The following TBL1X variants were observed in gnomAD, a reference collection of about 807,000 sequenced individuals.
The protein encoded by TBL1X is transducin beta like 1 X-linked.
In TBL1X, 10 loss-of-function variants were observed where a neutral mutation model predicts 50.7. The ratio of observed to expected loss-of-function variants is 0.20; its 90% CI spans 0.12 to 0.33. The LOEUF is 0.33. TBL1X is among the 10% of genes least tolerant of loss of function. The pLI is 1.00. For synonymous variants in TBL1X, 190 were observed against 214.7 expected (o/e 0.88, Z 1.01); for missense variants, 340 against 504.4 (o/e 0.67, Z 3.12).
At chrX:9,555,834 T>G (rs1010699338) in intron 2 of TBL1X, among the ~76,000 whole-genome samples, 1 of 111,742 alleles carries the variant, frequency 8.9e-6, no homozygotes, top group Non-Finnish European at 1.9e-5. Context: ...GGCCCCTTTT[T>G]CATATCTATG....
At chrX:9,468,818 A>G (rs1281767852) in intron 1 of TBL1X, among the ~76,000 whole-genome samples, 1 of 110,516 alleles carries the variant, frequency 9.0e-6, no homozygotes, top group Non-Finnish European at 1.9e-5. Flanking sequence ...TAAAGGAGAT[A>G]GAGTTATTAT....
At chrX:9,692,439 G>T (rs1460254487) in intron 9 of TBL1X, among the ~76,000 whole-genome samples, 185 bp downstream of exon 9, 1 of 111,929 alleles carries the variant, frequency 8.9e-6, no homozygotes, top group Non-Finnish European at 1.9e-5. Flanking sequence ...ACGGAGTCTT[G>T]CTCTGTTGCC....
intron 1 of TBL1X, among the ~76,000 whole-genome samples, chrX:9,492,836 A>AGG (rs2081951209): frequency 1.1e-4 from 9 of 80,620 alleles, no homozygotes; most frequent in Admixed American, 7.5e-4. Flanking sequence ...TTGGGGCTAG[A>AGG]GGGTGTGTGT....
intron 5 of TBL1X, among the ~76,000 whole-genome samples, chrX:9,681,599 G>A (rs2083026250): frequency 8.9e-6 from 1 of 112,298 alleles, no homozygotes; most frequent in Non-Finnish European, 1.9e-5. Flanking sequence ...CTGCTTGCGG[G>A]AATGAATGAG....
chrX:9,630,837 A>G (rs1207474408), intron 2 of TBL1X, among the ~76,000 whole-genome samples: 5 of 112,159 alleles, frequency 4.5e-5, no homozygotes, highest in African/African-American at 1.3e-4. Flanking sequence ...TGGCCTCCCA[A>G]AGTGCCGGGA....
intron 7 of TBL1X, among the ~76,000 whole-genome samples, chrX:9,688,982 G>T: frequency 8.8e-6 from 1 of 113,398 alleles, no homozygotes; most frequent in Non-Finnish European, 1.9e-5. Flanking sequence ...CTGTGTCTGT[G>T]TGCAAGTGTG....
intron 2 of TBL1X, among the ~76,000 whole-genome samples, chrX:9,550,435 A>G (rs1296707018): frequency 1.8e-5 from 2 of 112,352 alleles, no homozygotes; most frequent in African/African-American, 6.5e-5. Flanking sequence ...GCTTAATACA[A>G]TACAGGGCTG....
chrX:9,688,426 T>A (rs2083075536), intron 7 of TBL1X, 151 bp downstream of exon 7: 1 of 513,666 alleles, frequency 1.9e-6, no homozygotes, highest in Non-Finnish European at 3.0e-6. Flanking sequence ...CCGGAAGAAC[T>A]TCCCGTTCCA....
At chrX:9,475,081 CCAGGCTGGT>C (rs1346915250) in intron 1 of TBL1X, among the ~76,000 whole-genome samples, 1 of 111,535 alleles carries the variant, frequency 9.0e-6, no homozygotes, top group Non-Finnish European at 1.9e-5. Flanking sequence ...GCCATGTTGG[CCAGGCTGGT>C]CTCGAACTCC....
At chrX:9,538,864 G>A (rs1254962001) in intron 2 of TBL1X, among the ~76,000 whole-genome samples, 1 of 112,959 alleles carries the variant, frequency 8.9e-6, no homozygotes, top group Admixed American at 9.3e-5. Flanking sequence ...CAGAGTGCGT[G>A]TGCACCTGCT....
chrX:9,598,861 C>T (rs1367635395), intron 2 of TBL1X, among the ~76,000 whole-genome samples: 1 of 110,912 alleles, frequency 9.0e-6, no homozygotes, highest in African/African-American at 3.3e-5. Context: ...TCTCTGCCTT[C>T]ATTTGCACAT....
At chrX:9,586,766 A>G (rs1161552537) in intron 2 of TBL1X, among the ~76,000 whole-genome samples, 2 of 111,367 alleles carry the variant, frequency 1.8e-5, no homozygotes, top group Non-Finnish European at 3.8e-5. Context: ...CAGGCATGGT[A>G]CTGCATGCCT....
At chrX:9,614,839 G>A (rs1443994660) in intron 2 of TBL1X, among the ~76,000 whole-genome samples, 1 of 111,643 alleles carries the variant, frequency 9.0e-6, no homozygotes, top group African/African-American at 3.3e-5. Context: ...TTGATGAAGG[G>A]GCTTACTTCA....
At chrX:9,564,491 T>TG (rs369087733) in intron 2 of TBL1X, among the ~76,000 whole-genome samples, 1 of 110,115 alleles carries the variant, frequency 9.1e-6, no homozygotes, top group Non-Finnish European at 1.9e-5. Flanking sequence ...CCCAGCACTT[T>TG]GGGGGGGCCC....
chrX:9,474,766 G>A (rs1358207625), intron 1 of TBL1X, among the ~76,000 whole-genome samples: 2 of 112,940 alleles, frequency 1.8e-5, no homozygotes, highest in Non-Finnish European at 1.9e-5. Flanking sequence ...AGAATTAGGC[G>A]TTTTGCTGCA....
rs2082604682 is a variant in TBL1X at position 9,609,818 on chromosome X, A to G, written c.-130-30455A>G. 2.7e-5 allele frequency among the ~76,000 whole-genome samples: 3 copies of G among 112,032 alleles called. No individual in the cohort carries two copies. The South Asian group carries it at 1.1e-3, about 42-fold the overall frequency. On this transcript the variant is annotated intron_variant, in intron 2 of 17. Coordinates refer to ENST00000645353, the MANE Select transcript of TBL1X (RefSeq NM_005647.4). ...TTATTTTTCCCCTTGCATTTCTTTA[A>G]TTCCTAACGAGGTGGAATATTTGAT...
intron 2 of TBL1X, among the ~76,000 whole-genome samples, chrX:9,525,226 C>A (rs905114652): frequency 9.0e-6 from 1 of 111,615 alleles, no homozygotes; most frequent in Non-Finnish European, 1.9e-5. Context: ...ATGGGTCCCC[C>A]GTAGGCAGTC....
chrX:9,565,852 A>G (rs907408769), intron 2 of TBL1X, among the ~76,000 whole-genome samples: 33 of 111,106 alleles, frequency 3.0e-4, no homozygotes, highest in African/African-American at 9.8e-4. Flanking sequence ...AAAAACAACA[A>G]CAAAAAAACA....
chrX:9,654,133 T>C, intron 4 of TBL1X, 82 bp from the exon 5 acceptor site: 6 of 797,281 alleles, frequency 7.5e-6, no homozygotes, highest in East Asian at 3.4e-5. Flanking sequence ...ATAGCATGGA[T>C]ATTATTTTCT....
Sources: gnomAD v4.1 joint callset for allele counts (sites outside exome capture counted in the v4.1 genomes callset) on GRCh38, gnomAD v4.1.1 for gene constraint, MANE v1.5 for transcripts, NCBI Gene and HGNC (gene_info 2026-07-23, HGNC 2026-07-21) for gene names.